SPAG17: variants seen among roughly 807,000 people sequenced by gnomAD.
SPAG17 encodes the protein sperm associated antigen 17.
A neutral mutation model predicts 273.6 loss-of-function variants in SPAG17; 169 were observed. The ratio of observed to expected loss-of-function variants is 0.62; its 90% CI spans 0.55 to 0.70. The LOEUF is 0.70. Among genes scored for constraint, SPAG17 ranks in the 30% least tolerant of loss-of-function variants. The pLI is 0.00. For missense variants in SPAG17, 2,557 were observed against 2,627.8 expected (o/e 0.97, Z 0.59); for synonymous variants, 825 against 873.2 (o/e 0.94, Z 0.97).
chr1:118,055,714 A>C lies in SPAG17; in HGVS notation c.2722+19T>G, dbSNP rs1243790330. ...GTTCTTGAATTTTATTCTACGTATAAGTTGAACTGGTTACTTACTTTTAGA... is the reference window on the plus strand; with the variant it reads ...GTTCTTGAATTTTATTCTACGTATACGTTGAACTGGTTACTTACTTTTAGA... On this transcript the variant is annotated intron_variant, in intron 19 of 48. Transcript: ENST00000336338. 6.4e-7 allele frequency: 1 copy of C among 1,562,706 alleles called. No homozygotes were observed.
intron 48 of SPAG17, chr1:117,962,086 T>G (rs1653173691): frequency 6.6e-6 from 1 of 151,638 alleles, no homozygotes; most frequent in Non-Finnish European, 1.5e-5. Context: ...ATGTTAAAAG[T>G]TGCTGTTTTC....
intron 21 of SPAG17, 109 bp from the exon 22 acceptor site, chr1:118,040,950 T>C: frequency 4.1e-6 from 3 of 723,904 alleles, no homozygotes; most frequent in South Asian, 3.0e-5. Context: ...TGCTAAGTGA[T>C]ATGTCTGTCA....
At chr1:118,136,394 C>A (rs998879192) in intron 3 of SPAG17, among the ~76,000 whole-genome samples, 2 of 152,174 alleles carry the variant, frequency 1.3e-5, no homozygotes, top group Non-Finnish European at 2.9e-5. Context: ...GCATGTACAT[C>A]CCCTCAGGAT....
chr1:118,089,149 G>A (rs976680109), intron 10 of SPAG17, among the ~76,000 whole-genome samples: 1 of 152,186 alleles, frequency 6.6e-6, no homozygotes, highest in African/African-American at 2.4e-5. Flanking sequence ...AGAGTGCTGT[G>A]TGTTGTGTGG....
intron 32 of SPAG17, among the ~76,000 whole-genome samples, chr1:118,000,433 T>C (rs568642723): frequency 6.6e-6 from 1 of 152,332 alleles, no homozygotes; most frequent in African/African-American, 2.4e-5. Context: ...ATTTTCACAA[T>C]ATTGATTCTT....
chr1:118,028,504 G>A, intron 25 of SPAG17, 110 bp from the exon 26 acceptor site: 3 of 1,357,748 alleles, frequency 2.2e-6, no homozygotes, highest in Non-Finnish European at 3.0e-6. Flanking sequence ...CTTGCACAGA[G>A]CTAGGTGGCC....
chr1:118,097,171 G>A (rs146721837), intron 7 of SPAG17, among the ~76,000 whole-genome samples: 1 of 151,590 alleles, frequency 6.6e-6, no homozygotes, highest in African/African-American at 2.4e-5. Context: ...GGAGGCGGAG[G>A]TTGCAGTGAG....
intron 16 of SPAG17, 103 bp downstream of exon 16, chr1:118,074,430 ATTCTCC>A: frequency 4.4e-6 from 4 of 916,186 alleles, no homozygotes; most frequent in Non-Finnish European, 7.0e-6. Flanking sequence ...TAGCCTCAGT[ATTCTCC>A]TTCTAAGTAT....
At chr1:117,981,116 A>T (rs544045090) in intron 43 of SPAG17, among the ~76,000 whole-genome samples, 154 bp downstream of exon 43, 1 of 152,346 alleles carries the variant, frequency 6.6e-6, no homozygotes, top group East Asian at 1.9e-4. Context: ...CGATGTGCTA[A>T]GAAGCCTTTG....
At chr1:118,031,562 AG>A (rs1279266355) in intron 25 of SPAG17, 129 bp downstream of exon 25, 7 of 984,760 alleles carry the variant, frequency 7.1e-6, no homozygotes, top group Non-Finnish European at 1.1e-5. Context: ...TGAGACTACA[AG>A]GGACGTTAAT....
intron 32 of SPAG17, among the ~76,000 whole-genome samples, chr1:117,998,029 T>C (rs1657851850): frequency 1.3e-5 from 2 of 152,182 alleles, no homozygotes; most frequent in African/African-American, 4.8e-5. Context: ...GTTGATAGTT[T>C]CTTTTGCTGT....
chr1:117,987,326 C>T (rs2101624265), intron 40 of SPAG17, among the ~76,000 whole-genome samples: 1 of 152,192 alleles, frequency 6.6e-6, no homozygotes, highest in East Asian at 1.9e-4. Flanking sequence ...CATATTAATC[C>T]TGAAGTTATC....
At chr1:118,175,095 A>G (rs901666024) in intron 1 of SPAG17, among the ~76,000 whole-genome samples, 1 of 152,056 alleles carries the variant, frequency 6.6e-6, no homozygotes, top group African/African-American at 2.4e-5. Context: ...CAGTGGCGCA[A>G]TCTTGGCTCA....
At chr1:118,182,841 T>A (rs1273842212) in intron 1 of SPAG17, among the ~76,000 whole-genome samples, 1 of 152,210 alleles carries the variant, frequency 6.6e-6, no homozygotes, top group Non-Finnish European at 1.5e-5. Context: ...CAGCCCATAT[T>A]CATCTTCCTA....
intron 1 of SPAG17, among the ~76,000 whole-genome samples, chr1:118,171,688 T>A (rs961599763): frequency 2.0e-5 from 3 of 152,134 alleles, no homozygotes; most frequent in Admixed American, 6.5e-5. Context: ...AATAGAAAAA[T>A]TTTCAATAGA....
rs778832321 is a variant in SPAG17 at position 118,041,967 on chromosome 1, T to C, written c.2890A>G (p.Lys964Glu). ...REEKKAEKKG[K>E]EAGKKKGKDN... ...TTGCCTTTCTTTTTACCAGCTTCTT[T>C]ACCCTTCTTCTCTGCTTTCTTTTCT... Residue 964 changes from lysine (K) to glutamate (E), a missense_variant, in exon 21 of 49, where the codon AAA becomes GAA. Physicochemically the swap from Lys to Glu is moderately conservative, Grantham distance 56. Transcript: ENST00000336338. The C allele has an allele frequency of 5.6e-6, 9 of 1,613,912 alleles. No homozygotes were observed. The Admixed American group carries it at 1.5e-4, about 27-fold the overall frequency.
rs753554242 is a variant in SPAG17 at position 117,996,449 on chromosome 1, AC to A, written c.4973del (p.Ser1658MetfsTer3). The A allele has an allele frequency of 3.7e-6, 6 of 1,613,012 alleles. No homozygotes were observed. Among genetic ancestry groups the A allele is most frequent in the Non-Finnish European group, 4.2e-6 (5 of 1,179,400 alleles). The part of the protein sequence containing the change: ...DGSGMELLRD[S>X]DIEEYLSLAY... ...CCAAAGATAGATATTCTTCTATGTC[AC>A]TGTCTCGAAGAAGTTCCATTCCTGA... is the stretch of plus-strand genomic sequence containing the variant. On this transcript the variant is annotated frameshift_variant, in exon 34 of 49. Transcript: ENST00000336338. LOFTEE classifies it high-confidence loss of function.
chr1:118,151,791 T>C (rs991777226), intron 1 of SPAG17, among the ~76,000 whole-genome samples: 1 of 152,154 alleles, frequency 6.6e-6, no homozygotes, highest in Non-Finnish European at 1.5e-5. Flanking sequence ...TAAAAGCAGC[T>C]GAAAAAAACT....
In SPAG17 at chr1:118,016,293, G is replaced by C; in HGVS notation, c.4070-111C>G. ...AAACTACCTCAGATACTGTGGCATA[G>C]ACAATTCTAAGTGGTATTCATCAAT... On this transcript the variant is annotated intron_variant, in intron 28 of 48. Coordinates refer to ENST00000336338, the MANE Select transcript of SPAG17 (RefSeq NM_206996.4). 3.8e-6 allele frequency: 3 copies of C among 786,360 alleles called. No individual in the cohort carries two copies. The South Asian group carries it at 5.4e-5, about 14-fold the overall frequency. The allele number at this position is 786,360 out of a possible 1,614,324, so 48.7% of individuals were successfully genotyped here.
Sources: allele counts gnomAD v4.1 joint callset (sites outside exome capture counted in the v4.1 genomes callset), GRCh38; gene constraint gnomAD v4.1.1; transcripts MANE v1.5; gene names NCBI Gene and HGNC (gene_info 2026-07-23, HGNC 2026-07-21).